ARID5A: variants seen among roughly 807,000 people sequenced by gnomAD.
ARID5A encodes the protein AT-rich interactive domain-containing protein 5A.
Under a neutral mutation model 30.5 loss-of-function variants are expected in ARID5A, and 14 were observed. That is an observed-to-expected ratio of 0.46 (90% CI 0.30 to 0.72). The LOEUF (loss-of-function observed/expected upper bound fraction) is 0.72. Among genes scored for constraint, ARID5A ranks in the 30% least tolerant of loss-of-function variants. ARID5A has a pLI of 0.07. For synonymous variants in ARID5A, 338 were observed against 340.4 expected (o/e 0.99, Z 0.08); for missense variants, 669 against 786.2 (o/e 0.85, Z 1.78).
Position 96,551,167 on chromosome 2 carries a change from G to A in ARID5A, c.639G>A (p.Arg213=). 1 of 1,613,952 alleles carries A rather than the reference G, an allele frequency of 6.2e-7. No homozygotes were observed. The highest frequency in any genetic ancestry group is 1.6e-4 in the Middle Eastern group (1 of 6,062). The change falls in exon 7 of 7, where the codon AGG becomes AGA. Residue 213 remains arginine, a synonymous_variant. Coordinates refer to ENST00000357485, the MANE Select transcript of ARID5A (RefSeq NM_212481.3). Reference sequence around the variant, plus strand: ...CACTTCCCAGCCAGGAGCCCCCCAGGAACAGCACAGAACAGCAGGGCCTGG... The same window carrying A: ...CACTTCCCAGCCAGGAGCCCCCCAGAAACAGCACAGAACAGCAGGGCCTGG... ...PAPLPSQEPP[R]NSTEQQGLAS...
Position 96,536,773 on chromosome 2 carries a change from G to C in ARID5A, c.-54G>C, listed in dbSNP as rs2065739237. On this transcript the variant is annotated 5_prime_UTR_variant, in exon 1 of 7. Coordinates refer to ENST00000357485, the MANE Select transcript of ARID5A (RefSeq NM_212481.3). The stretch of plus-strand genomic sequence containing the variant: ...CAGTATCTCAGAGAGCGCGGGGTCC[G>C]GACAGCCGCGCGCTGAGGGTCTCGG... 2 of 1,216,202 alleles carry C rather than the reference G, an allele frequency of 1.6e-6. No individual in the cohort carries two copies. Among genetic ancestry groups the C allele is most frequent in the African/African-American group, 3.1e-5 (2 of 63,616 alleles). The allele number at this position is 1,216,202 out of a possible 1,614,324, so 75.3% of individuals were successfully genotyped here. A position where few individuals can be genotyped will look rare whatever the true frequency, so the allele number is the denominator to read the frequency against.
In ARID5A at chr2:96,537,496, C is replaced by T. The variant is rs1368815290; in HGVS notation, c.4+666C>T. ...TTCCTTCTCTTCCCTTTTCTCTTTTCCTCTCCTGTCTCTCCGCCCACCCGC... is the reference window on the plus strand; with the variant it reads ...TTCCTTCTCTTCCCTTTTCTCTTTTTCTCTCCTGTCTCTCCGCCCACCCGC... On this transcript the variant is annotated intron_variant, in intron 1 of 6. Transcript: ENST00000357485. This position sits in a 1 kb window ranked among gnomAD's most constrained non-coding sequence, Gnocchi z 4.8. 1 of 152,418 alleles carries T rather than the reference C, an allele frequency of 6.6e-6. No homozygotes were observed. Among genetic ancestry groups the T allele is most frequent in the Non-Finnish European group, 1.5e-5 (1 of 68,176 alleles). The allele number at this position is 152,418 out of a possible 1,614,324, so 9.4% of individuals were successfully genotyped here. A position where few individuals can be genotyped will look rare whatever the true frequency, so the allele number is the denominator to read the frequency against.
In ARID5A at chr2:96,552,470, G is replaced by A. The variant is rs1272097285; in HGVS notation, c.*157G>A. ...GCACAAGTGAAGAAGAAGGCAGTGG[G>A]AAAACTGGGTTTATCTCAAGGCAGC... On this transcript the variant is annotated 3_prime_UTR_variant, in exon 7 of 7. Transcript: ENST00000357485. 2 of 1,540,296 alleles carry A rather than the reference G, an allele frequency of 1.3e-6. No individual in the cohort carries two copies. Among genetic ancestry groups the A allele is most frequent in the South Asian group, 1.2e-5 (1 of 83,724 alleles).
At position 96,549,614 on chromosome 2, in the gene ARID5A, C is replaced by A; in HGVS notation, c.260-139C>A. On this transcript the variant is annotated intron_variant, in intron 3 of 6. Transcript: ENST00000357485. The surrounding 1 kb of genome is among the most constrained non-coding windows in gnomAD (Gnocchi z 6.1). ...CACTGGGCCAGGGGTGCACAGGGCA[C>A]AGCCTGCCCGTCTATTGCAGTGGCC... The A allele has an allele frequency of 6.7e-7, 1 of 1,495,192 alleles. No homozygotes were observed. Among genetic ancestry groups the A allele is most frequent in the Non-Finnish European group, 9.3e-7 (1 of 1,079,910 alleles). The allele number at this position is 1,495,192 out of a possible 1,614,324, so 92.6% of individuals were successfully genotyped here. A position where few individuals can be genotyped will look rare whatever the true frequency, so the allele number is the denominator to read the frequency against.
At chr2:96,542,955 A>T (rs2065870499) in intron 1 of ARID5A, among the ~76,000 whole-genome samples, 1 of 152,172 alleles carries the variant, frequency 6.6e-6, no homozygotes, top group Non-Finnish European at 1.5e-5. Context: ...TTCCTCTCCC[A>T]TTTCATAGCA....
rs148423998 is a variant in ARID5A at position 96,548,834 on chromosome 2, G to A, written c.121-487G>A. On this transcript the variant is annotated intron_variant, in intron 2 of 6. Coordinates refer to ENST00000357485, the MANE Select transcript of ARID5A (RefSeq NM_212481.3). ...GCAGGCTGGGGCCACACAGAGGCTC[G>A]GGGAACATGGGCCTCACAGAGTAAC... Among the ~76,000 whole-genome samples the A allele has an allele frequency of 8.5e-5, 13 of 152,326 alleles. No individual in the cohort carries two copies. The East Asian group carries it at 1.5e-3, about 18-fold the overall frequency.
rs768396249 is a variant in ARID5A at position 96,547,503 on chromosome 2, C to A, written c.106C>A (p.Pro36Thr). ...PAGKQNGIQNPISLEDSPEAG... is the reference protein window; with the variant it reads ...PAGKQNGIQNTISLEDSPEAG... ...TGGCAAGCAGAACGGAATCCAGAAC[C>A]CCATCTCGCTGGAGGTGAGTTGACT... The change falls in exon 2 of 7, where the codon CCC (proline) becomes ACC (threonine). Residue 36 changes from proline to threonine, a missense_variant. By Grantham distance (38) the Pro-to-Thr change is conservative (BLOSUM62 -1). This residue lies in a region of ARID5A where 56 missense variants were observed against 72.8 expected (regional missense o/e 0.77). Transcript: ENST00000357485. 2 of 1,613,868 alleles carry A rather than the reference C, an allele frequency of 1.2e-6. No homozygotes were observed. Among genetic ancestry groups the A allele is most frequent in the African/African-American group, 1.3e-5 (1 of 74,904 alleles).
Position 96,549,389 on chromosome 2 carries a change from C to G in ARID5A, c.189C>G (p.Val63=), listed in dbSNP as rs767994437. ...QEREEEQAFL[V]SLYKFMKERH... The stretch of plus-strand genomic sequence containing the variant: ...GGGAGGAGGAGCAGGCCTTCCTGGT[C>G]AGCCTCTACAAGTTCATGAAGGAGC... The change falls in exon 3 of 7, where the codon GTC becomes GTG. Residue 63 remains valine, a synonymous_variant. Transcript: ENST00000357485. The surrounding 1 kb of genome is among the most constrained non-coding windows in gnomAD (Gnocchi z 6.1). 1 of 1,613,916 alleles carries G rather than the reference C, an allele frequency of 6.2e-7. No homozygotes were observed. The highest frequency in any genetic ancestry group is 8.5e-7 in the Non-Finnish European group (1 of 1,179,942).
intron 1 of ARID5A, among the ~76,000 whole-genome samples, chr2:96,545,698 G>C (rs2065915050): frequency 6.6e-6 from 1 of 151,626 alleles, no homozygotes; most frequent in Non-Finnish European, 1.5e-5. Context: ...GCTCATGCCT[G>C]TAATCCCAGC....
rs747413578 is a variant in ARID5A, at chr2:96,551,907, G to A, written c.1379G>A (p.Arg460Gln). Residue 460 changes from arginine (R) to glutamine (Q), a missense_variant, in exon 7 of 7, where the codon CGG becomes CAG. Arg to Gln is a conservative substitution (Grantham distance 43). Around this residue, in one of 4 missense-constraint regions of ARID5A, gnomAD observed 548 missense variants for 577.4 expected, o/e 0.95. Coordinates refer to ENST00000357485, the MANE Select transcript of ARID5A (RefSeq NM_212481.3). ...EGAAHSGKRL[R>Q]AVSPFLKEAD... is the part of the protein sequence containing the mutation. ...GCTGCCCACAGTGGGAAGAGACTGC[G>A]GGCCGTGTCTCCCTTTCTTAAGGAG... is the stretch of plus-strand genomic sequence containing the variant. 8 of 1,537,862 alleles carry A rather than the reference G, an allele frequency of 5.2e-6. No individual in the cohort carries two copies. The highest frequency in any genetic ancestry group is 2.2e-5 in the Admixed American group (1 of 46,382).
At position 96,550,708 on chromosome 2, in the gene ARID5A, C is replaced by T; in HGVS notation, c.545C>T (p.Ala182Val). ...GGGGCCACCGAGAGGCCGAAGAAGG[C>T]CAAGGAGGAGCGGCGCATGGACCAG... The part of the protein sequence containing the change: ...DDGATERPKK[A>V]KEERRMDQMM... The change falls in exon 6 of 7, where the codon GCC becomes GTC. Residue 182 changes from alanine (A) to valine (V), a missense_variant. Physicochemically the swap from Ala to Val is moderately conservative, Grantham distance 64. Around this residue, in one of 4 missense-constraint regions of ARID5A, gnomAD observed 548 missense variants for 577.4 expected, o/e 0.95. Transcript: ENST00000357485. This position sits in a 1 kb window ranked among gnomAD's most constrained non-coding sequence, Gnocchi z 6.6. 6.3e-7 allele frequency: 1 copy of T among 1,589,728 alleles called. No homozygotes were observed. The highest frequency in any genetic ancestry group is 8.6e-7 in the Non-Finnish European group (1 of 1,169,128).
rs2066054255 is a variant in ARID5A at position 96,551,839 on chromosome 2, T to C, written c.1311T>C (p.Ser437=). 2 of 1,598,802 alleles carry C rather than the reference T, an allele frequency of 1.3e-6. No individual in the cohort carries two copies. The highest frequency in any genetic ancestry group is 8.5e-7 in the Non-Finnish European group (1 of 1,173,690). ...CCACGCTCCCGCCCACCTTCCCCAG[T>C]AGCCCAGGCCTGGGCAGCAAGCGCA... ...ESPTLPPTFP[S]SPGLGSKRSL... is the part of the protein sequence containing the mutation. The change falls in exon 7 of 7, where the codon AGT becomes AGC. Residue 437 remains serine (S), a synonymous_variant. Coordinates refer to ENST00000357485, the MANE Select transcript of ARID5A (RefSeq NM_212481.3).
At position 96,537,875 on chromosome 2, in the gene ARID5A, CAG is replaced by C. The variant is rs760535437; in HGVS notation, c.4+1048_4+1049del. On this transcript the variant is annotated intron_variant, in intron 1 of 6. Coordinates refer to ENST00000357485, the MANE Select transcript of ARID5A (RefSeq NM_212481.3). This position sits in a 1 kb window ranked among gnomAD's most constrained non-coding sequence, Gnocchi z 4.8. ...TGCGGGTCCAGTGTCCCTTTGTTTG[CAG>C]AGTCTTGGGCCAGTAAGGAGTGCTC... The C allele has an allele frequency of 2.5e-4, 248 of 985,400 alleles. No homozygotes were observed. Among genetic ancestry groups the C allele is most frequent in the Non-Finnish European group, 2.9e-4 (242 of 830,018 alleles). 61.0% of individuals were successfully genotyped at this position (985,400 alleles called of 1,614,324 possible). A position where few individuals can be genotyped will look rare whatever the true frequency, so the allele number is the denominator to read the frequency against.
Position 96,551,319 on chromosome 2 carries a change from T to C in ARID5A, c.791T>C (p.Leu264Pro). The C allele has an allele frequency of 6.2e-7, 1 of 1,613,716 alleles. No homozygotes were observed. The highest frequency in any genetic ancestry group is 1.7e-4 in the Middle Eastern group (1 of 6,056). ...IMSPLAKKKLLAQVSKVEALQ... is the reference protein window; with the variant it reads ...IMSPLAKKKLPAQVSKVEALQ... ...TCACCACTGGCCAAAAAGAAGCTCCTGGCCCAGGTGAGCAAGGTGGAGGCC... is the reference window on the plus strand; with the variant it reads ...TCACCACTGGCCAAAAAGAAGCTCCCGGCCCAGGTGAGCAAGGTGGAGGCC... Residue 264 changes from leucine to proline, a missense_variant, in exon 7 of 7, where the codon CTG (leucine) becomes CCG (proline). Leu to Pro is a moderately conservative substitution (Grantham distance 98). Around this residue, in one of 4 missense-constraint regions of ARID5A, gnomAD observed 548 missense variants for 577.4 expected, o/e 0.95. Coordinates refer to ENST00000357485, the MANE Select transcript of ARID5A (RefSeq NM_212481.3).
chr2:96,544,807 G>C (rs1474007852), intron 1 of ARID5A, among the ~76,000 whole-genome samples: 4 of 152,236 alleles, frequency 2.6e-5, no homozygotes, highest in Non-Finnish European at 4.4e-5. Flanking sequence ...AGCTGCCATA[G>C]ATAGTGATTC....
chr2:96,546,865 C>T lies in ARID5A; in HGVS notation c.5-537C>T, dbSNP rs1343462215. Among the ~76,000 whole-genome samples, 3 of 152,240 alleles carry T rather than the reference C, an allele frequency of 2.0e-5. No homozygotes were observed. The East Asian group carries it at 5.8e-4, about 29-fold the overall frequency. ...GCCACAGCCATGGGATCCTTTAGCTCTCCAGTGAGACTAAGCTGCTTCTCA... is the reference window on the plus strand; with the variant it reads ...GCCACAGCCATGGGATCCTTTAGCTTTCCAGTGAGACTAAGCTGCTTCTCA... On this transcript the variant is annotated intron_variant, in intron 1 of 6. Transcript: ENST00000357485.
intron 1 of ARID5A, among the ~76,000 whole-genome samples, chr2:96,546,520 A>G (rs1400090422): frequency 6.6e-6 from 1 of 152,206 alleles, no homozygotes; most frequent in Non-Finnish European, 1.5e-5. Flanking sequence ...TGCTCATTCC[A>G]GCTTGGCACC....
At chr2:96,536,935 C>G (rs1415911721) in intron 1 of ARID5A, 105 bp downstream of exon 1, 1 of 1,202,304 alleles carries the variant, frequency 8.3e-7, no homozygotes, top group African/African-American at 1.6e-5. Context: ...AGTCGGTGCG[C>G]TGTGTGGGGC....
Position 96,551,138 on chromosome 2 carries a change from GCAC to G in ARID5A, c.614_616del (p.Pro205del). Reference sequence around the variant, plus strand: ...GACCAAAGCAGATGCTGCTGACCCAGCACCACTTCCCAGCCAGGAGCCCCCCAG... The same window carrying G: ...GACCAAAGCAGATGCTGCTGACCCAGCACTTCCCAGCCAGGAGCCCCCCAG... On this transcript the variant is annotated inframe_deletion, in exon 7 of 7. Transcript: ENST00000357485. 1 of 1,613,608 alleles carries G rather than the reference GCAC, an allele frequency of 6.2e-7. No homozygotes were observed. Among genetic ancestry groups the G allele is most frequent in the East Asian group, 2.2e-5 (1 of 44,870 alleles).
Sources: allele counts gnomAD v4.1 joint callset (sites outside exome capture counted in the v4.1 genomes callset), GRCh38; gene constraint gnomAD v4.1.1; regional missense constraint gnomAD v4.1.1; non-coding constraint Gnocchi (gnomAD v3.1); transcripts MANE v1.5; gene names NCBI Gene and HGNC (gene_info 2026-07-23, HGNC 2026-07-21).